Variants in ARHGAP18 observed in about 807,000 individuals in gnomAD.
ARHGAP18 encodes rho GTPase-activating protein 18.
Under a neutral mutation model 86.2 loss-of-function variants are expected in ARHGAP18, and 67 were observed. The observed-to-expected ratio is 0.78, with a 90% confidence interval of 0.64 to 0.95. ARHGAP18 has a LOEUF of 0.95. Ranked by LOEUF, ARHGAP18 falls within the 40% of genes least tolerant of loss-of-function variation. The probability of loss-of-function intolerance (pLI) is 0.00; values close to 1 mark genes in which losing one functional copy is unlikely to be tolerated. For missense variants in ARHGAP18, 691 were observed against 780.4 expected (o/e 0.89, Z 1.37); for synonymous variants, 283 against 280.4 (o/e 1.01, Z -0.09).
intron 10 of ARHGAP18, among the ~76,000 whole-genome samples, chr6:129,603,118 A>G (rs1343979495): frequency 6.6e-6 from 1 of 152,052 alleles, no homozygotes; most frequent in African/African-American, 2.4e-5. Context: ...AAGCTACCCA[A>G]TATGCAGTCT....
chr6:129,622,732 G>T (rs1034580862), intron 5 of ARHGAP18, among the ~76,000 whole-genome samples: 7 of 152,074 alleles, frequency 4.6e-5, no homozygotes, highest in African/African-American at 1.7e-4. Flanking sequence ...TGGGCATGGT[G>T]GCTCACACCT....
chr6:129,662,805 G>A (rs1562716336), intron 1 of ARHGAP18, among the ~76,000 whole-genome samples: 1 of 152,192 alleles, frequency 6.6e-6, no homozygotes, highest in Non-Finnish European at 1.5e-5. Flanking sequence ...GAACAGTACT[G>A]ATTAAGCCTG....
At chr6:129,656,774 C>T (rs541616531) in intron 1 of ARHGAP18, among the ~76,000 whole-genome samples, 26 of 152,328 alleles carry the variant, frequency 1.7e-4, no homozygotes, top group African/African-American at 6.3e-4. Flanking sequence ...CCAACAGTGT[C>T]TTGTTTGATT....
intron 5 of ARHGAP18, among the ~76,000 whole-genome samples, chr6:129,625,272 T>TG (rs1350696715): frequency 8.7e-5 from 7 of 80,502 alleles, no homozygotes; most frequent in Non-Finnish European, 1.1e-4. Context: ...ATATGATATA[T>TG]ATTTATATGT....
intron 1 of ARHGAP18, among the ~76,000 whole-genome samples, chr6:129,648,551 T>C (rs1584087108): frequency 6.6e-6 from 1 of 151,574 alleles, no homozygotes; most frequent in South Asian, 2.1e-4. Context: ...GTGGGAAGAG[T>C]GCTTGAGCCC....
chr6:129,581,849 A>G (rs957447761), intron 13 of ARHGAP18, among the ~76,000 whole-genome samples: 2 of 152,144 alleles, frequency 1.3e-5, no homozygotes, highest in South Asian at 4.1e-4. Context: ...AGAAATATAT[A>G]AACATTTACT....
chr6:129,642,581 C>T (rs1166298304), intron 1 of ARHGAP18, among the ~76,000 whole-genome samples: 3 of 152,044 alleles, frequency 2.0e-5, no homozygotes, highest in African/African-American at 7.2e-5. Context: ...AAGGCATGAG[C>T]CACCACACCC....
chr6:129,665,906 G>GA (rs1422001303), intron 1 of ARHGAP18, among the ~76,000 whole-genome samples: 5 of 152,124 alleles, frequency 3.3e-5, no homozygotes, highest in African/African-American at 1.2e-4. Context: ...TGGCACAGAG[G>GA]AAAGTGCTCA....
At chr6:129,628,462 G>A (rs2114486446) in intron 5 of ARHGAP18, among the ~76,000 whole-genome samples, 1 of 152,330 alleles carries the variant, frequency 6.6e-6, no homozygotes, top group East Asian at 1.9e-4. Context: ...TATTTGCCCA[G>A]TCTCAAGGAT....
At chr6:129,608,526 C>T (rs898559185) in intron 8 of ARHGAP18, among the ~76,000 whole-genome samples, 2 of 152,090 alleles carry the variant, frequency 1.3e-5, no homozygotes, top group African/African-American at 2.4e-5. Context: ...TAGTCACCTA[C>T]GGGAAATGGA....
intron 13 of ARHGAP18, 90 bp from the exon 14 acceptor site, chr6:129,580,221 T>C (rs1006906025): frequency 1.7e-6 from 2 of 1,171,084 alleles, no homozygotes; most frequent in Non-Finnish European, 2.5e-6. Context: ...CTGGCTGGTA[T>C]GGAAAATTCA....
intron 1 of ARHGAP18, among the ~76,000 whole-genome samples, chr6:129,659,960 A>C (rs769328831): frequency 6.6e-6 from 1 of 151,982 alleles, no homozygotes. Flanking sequence ...CCACACAAGC[A>C]AAGACAGAGT....
Position 129,641,975 on chromosome 6 carries a change from T to C in ARHGAP18, c.157A>G (p.Ile53Val). The change falls in exon 2 of 15, where the codon ATC becomes GTC. Residue 53 changes from isoleucine (I) to valine (V), a missense_variant. Transcript: ENST00000368149. ...QYTMNQESTT[I>V]KVMEKPPFDR... ...AATGGAGGCTTCTCCATAACTTTGA[T>C]GGTGGTGCTTTCCTGGTTCATAGTG... The C allele has an allele frequency of 6.2e-7, 1 of 1,613,994 alleles. No individual in the cohort carries two copies. Among genetic ancestry groups the C allele is most frequent in the Non-Finnish European group, 8.5e-7 (1 of 1,179,920 alleles).
At chr6:129,603,621 G>T (rs949359821) in intron 10 of ARHGAP18, among the ~76,000 whole-genome samples, 1 of 152,126 alleles carries the variant, frequency 6.6e-6, no homozygotes, top group Non-Finnish European at 1.5e-5. Flanking sequence ...TGGAAGGATT[G>T]AAACAATGTA....
At chr6:129,622,642 T>C (rs185582295) in intron 5 of ARHGAP18, among the ~76,000 whole-genome samples, 49 of 152,152 alleles carry the variant, frequency 3.2e-4, no homozygotes, top group Admixed American at 7.2e-4. Flanking sequence ...GTTCAGTTCA[T>C]TGGCTAAGAG....
chr6:129,643,895 A>T (rs2114501884), intron 1 of ARHGAP18, among the ~76,000 whole-genome samples: 1 of 152,358 alleles, frequency 6.6e-6, no homozygotes, highest in East Asian at 1.9e-4. Context: ...CCAACTGGTT[A>T]GAAAAAGGCA....
intron 10 of ARHGAP18, among the ~76,000 whole-genome samples, chr6:129,605,354 T>C (rs1415079956): frequency 6.6e-6 from 1 of 152,100 alleles, no homozygotes; most frequent in African/African-American, 2.4e-5. Flanking sequence ...GAGAAATAAT[T>C]AGAATTTGTT....
chr6:129,668,058 A>G (rs1001079905), intron 1 of ARHGAP18, among the ~76,000 whole-genome samples: 1 of 152,200 alleles, frequency 6.6e-6, no homozygotes, highest in African/African-American at 2.4e-5. Flanking sequence ...TATGCAAGTA[A>G]ATCTGCAACT....
chr6:129,668,314 A>C (rs1774078992), intron 1 of ARHGAP18, among the ~76,000 whole-genome samples: 1 of 151,306 alleles, frequency 6.6e-6, no homozygotes, highest in Non-Finnish European at 1.5e-5. Context: ...CAATATAAAT[A>C]CAGCATCCTC....
Sources: gnomAD v4.1 joint callset for allele counts (sites outside exome capture counted in the v4.1 genomes callset) on GRCh38, gnomAD v4.1.1 for gene constraint, MANE v1.5 for transcripts, NCBI Gene and HGNC (gene_info 2026-07-23, HGNC 2026-07-21) for gene names.